Variants in CRHBP observed in about 807,000 individuals in gnomAD.
CRHBP encodes corticotropin-releasing hormone-binding protein.
Under a neutral mutation model 34.9 loss-of-function variants are expected in CRHBP, and 19 were observed. The ratio of observed to expected loss-of-function variants is 0.55; its 90% CI spans 0.38 to 0.80. The LOEUF is 0.80. Among genes scored for constraint, CRHBP ranks in the 30% least tolerant of loss-of-function variants. The probability of loss-of-function intolerance (pLI) is 0.00; values close to 1 mark genes in which losing one functional copy is unlikely to be tolerated. For missense variants in CRHBP, 328 were observed against 409.2 expected (o/e 0.80, Z 1.71); for synonymous variants, 154 against 153.4 (o/e 1.00, Z -0.03).
At chr5:76,953,905 G>C (rs1745619655) in intron 2 of CRHBP, 124 bp from the exon 3 acceptor site, 1 of 1,295,744 alleles carries the variant, frequency 7.7e-7, no homozygotes, top group Admixed American at 2.7e-5. Context: ...CGCAGCCTAG[G>C]CTGGAAGTCG....
At chr5:76,953,457 T>C (rs1295944597) in intron 1 of CRHBP, 144 bp from the exon 2 acceptor site, 1 of 987,068 alleles carries the variant, frequency 1.0e-6, no homozygotes, top group Non-Finnish European at 1.6e-6. Flanking sequence ...GTCTAAGACC[T>C]TCCCGTCTTC....
intron 4 of CRHBP, among the ~76,000 whole-genome samples, chr5:76,956,608 G>A (rs371228286): frequency 6.6e-5 from 10 of 152,036 alleles, no homozygotes; most frequent in African/African-American, 2.2e-4. Context: ...GGTGGTGGGC[G>A]CCTGTAGTCC....
rs11443583 is a variant in CRHBP, at chr5:76,964,155, G to GA, written c.811+696dup. ...GATGGATGGGACTTCATGACCTCAT[G>GA]ACCAGATAACTCAATGAAGTCTCGG... On this transcript the variant is annotated intron_variant, in intron 6 of 6. Transcript: ENST00000274368. 9.1e-3 allele frequency among the ~76,000 whole-genome samples: 1,379 copies of GA among 152,208 alleles called. 19 individuals are homozygous for GA. Among genetic ancestry groups the GA allele is most frequent in the African/African-American group, 0.032 (1,318 of 41,518 alleles).
chr5:76,960,966 A>G (rs1332692565), intron 5 of CRHBP, among the ~76,000 whole-genome samples: 1 of 151,890 alleles, frequency 6.6e-6, no homozygotes, highest in East Asian at 1.9e-4. Context: ...ACAGGGTTTC[A>G]CCATATTGGC....
intron 3 of CRHBP, among the ~76,000 whole-genome samples, chr5:76,979,223 G>A (rs981899308): frequency 1.3e-5 from 2 of 151,984 alleles, no homozygotes; most frequent in Non-Finnish European, 2.9e-5. Context: ...CCAGGCTGGA[G>A]TGTAGTGTGC....
chr5:76,963,214 G>A, intron 5 of CRHBP, 129 bp from the exon 6 acceptor site: 1 of 669,806 alleles, frequency 1.5e-6, no homozygotes, highest in South Asian at 2.1e-5. Flanking sequence ...AGTCCCAGAT[G>A]TTAAATTAAA....
chr5:76,964,370 A>G (rs1249329324), intron 6 of CRHBP, among the ~76,000 whole-genome samples: 1 of 152,226 alleles, frequency 6.6e-6, no homozygotes, highest in Non-Finnish European at 1.5e-5. Context: ...CAGCTAGGCA[A>G]TGAAGCTGCA....
chr5:76,964,941 A>G (rs770470384), intron 6 of CRHBP, among the ~76,000 whole-genome samples: 11 of 151,992 alleles, frequency 7.2e-5, no homozygotes, highest in Non-Finnish European at 1.5e-4. Context: ...GCTTGAGCCC[A>G]GCAGTTTGAG....
chr5:76,955,246 T>C (rs2071127804), intron 3 of CRHBP, among the ~76,000 whole-genome samples: 1 of 152,204 alleles, frequency 6.6e-6, no homozygotes, highest in African/African-American at 2.4e-5. Context: ...TTTCAAGATA[T>C]TTTGTTCACA....
rs1219576603 is a variant in CRHBP, at chr5:76,953,202, G to C, written c.68G>C (p.Ser23Thr). The change falls in exon 1 of 7, where the codon AGC (serine) becomes ACC (threonine). Residue 23 changes from serine (S) to threonine (T), a missense_variant. Physicochemically the swap from Ser to Thr is moderately conservative, Grantham distance 58. This residue lies in a region of CRHBP where 173 missense variants were observed against 172.2 expected (regional missense o/e 1.00). Transcript: ENST00000274368. ...LIFLTALRGE[S>T]RYLELREAAD... ...TTCCTGACGGCTCTAAGAGGGGAAA[G>C]CCGGTACCTAGAGGTGAGCCACCCC... 10 of 1,613,996 alleles carry C rather than the reference G, an allele frequency of 6.2e-6. No individual in the cohort carries two copies. The highest frequency in any genetic ancestry group is 8.5e-6 in the Non-Finnish European group (10 of 1,179,962).
chr5:76,953,068 G>C lies in CRHBP; in HGVS notation c.-67G>C, dbSNP rs567053350. ...CCAGCTTCTAGCTCTCAGTCTGCGC[G>C]AGGGTGTAGGAAGGAAAGCCCAGGA... On this transcript the variant is annotated 5_prime_UTR_variant, in exon 1 of 7. Transcript: ENST00000274368. 4.3e-5 allele frequency: 65 copies of C among 1,514,962 alleles called. No individual in the cohort carries two copies. In the African/African-American group the frequency reaches 8.2e-4, roughly 19 times the overall value. 93.8% of individuals were successfully genotyped at this position (1,514,962 alleles called of 1,614,324 possible). A position where few individuals can be genotyped will look rare whatever the true frequency, so the allele number is the denominator to read the frequency against.
intron 2 of CRHBP, 60 bp downstream of exon 2, chr5:76,953,754 CG>C (rs1351572958): frequency 3.3e-6 from 5 of 1,500,238 alleles, no homozygotes; most frequent in Non-Finnish European, 3.6e-6. Flanking sequence ...GGACTCTGTG[CG>C]GGGGGCAGAG....
chr5:76,971,636 A>G (rs1745945410), downstream of CRHBP, among the ~76,000 whole-genome samples: 1 of 152,180 alleles, frequency 6.6e-6, no homozygotes, highest in African/African-American at 2.4e-5. Flanking sequence ...GATTTATCTA[A>G]TTCACACACA....
rs1285605339 is a variant in CRHBP, at chr5:76,954,200, G to C, written c.333+14G>C. ...GACTTCCTGAAGGTGAGGCGCCCACGGCCAGCCAACCTAGCCGGAGGGCGG... is the reference window on the plus strand; with the variant it reads ...GACTTCCTGAAGGTGAGGCGCCCACCGCCAGCCAACCTAGCCGGAGGGCGG... On this transcript the variant is annotated intron_variant, in intron 3 of 6. Coordinates refer to ENST00000274368, the MANE Select transcript of CRHBP (RefSeq NM_001882.4). The C allele has an allele frequency of 6.2e-7, 1 of 1,610,008 alleles. No individual in the cohort carries two copies. The highest frequency in any genetic ancestry group is 8.5e-7 in the Non-Finnish European group (1 of 1,177,834).
At chr5:76,980,951 C>T (rs1055561640) in intron 3 of CRHBP, 5 of 151,882 alleles carry the variant, frequency 3.3e-5, no homozygotes, top group African/African-American at 1.2e-4. Context: ...TTTTTTCTTT[C>T]TCTGCACAGT....
intron 3 of CRHBP, among the ~76,000 whole-genome samples, chr5:76,979,275 G>A (rs1035290036): frequency 6.6e-6 from 1 of 151,988 alleles, no homozygotes. Flanking sequence ...AGGCTCAGGT[G>A]GTCCTGCCAC....
chr5:76,974,269 A>G (rs1180400065), downstream of CRHBP, among the ~76,000 whole-genome samples: 1 of 152,014 alleles, frequency 6.6e-6, no homozygotes, highest in East Asian at 1.9e-4. Context: ...CACCCGCCTC[A>G]GCCTCCCAAA....
intron 4 of CRHBP, among the ~76,000 whole-genome samples, chr5:76,957,916 T>C (rs1745711755): frequency 6.6e-6 from 1 of 152,080 alleles, no homozygotes; most frequent in African/African-American, 2.4e-5. Flanking sequence ...TCCTACACTT[T>C]GGGAGGCTGA....
rs754776976 is a variant in CRHBP at position 76,953,604 on chromosome 5, A to C, written c.85A>C (p.Arg29=). The change falls in exon 2 of 7, where the codon AGG becomes CGG. Residue 29 remains arginine (R), a synonymous_variant. Transcript: ENST00000274368. Reference sequence around the variant, plus strand: ...ACTGACCTATGTTTCTTGCCAGCTGAGGGAAGCGGCGGACTACGATCCTTT... The same window carrying C: ...ACTGACCTATGTTTCTTGCCAGCTGCGGGAAGCGGCGGACTACGATCCTTT... ...LRGESRYLEL[R]EAADYDPFLL... is the part of the protein sequence containing the mutation. 18 of 1,612,636 alleles carry C rather than the reference A, an allele frequency of 1.1e-5. No homozygotes were observed. The highest frequency in any genetic ancestry group is 1.4e-5 in the Non-Finnish European group (16 of 1,179,556).
Sources: gnomAD v4.1 joint callset for allele counts (sites outside exome capture counted in the v4.1 genomes callset) on GRCh38, gnomAD v4.1.1 for gene constraint, gnomAD v4.1.1 regional missense constraint, MANE v1.5 for transcripts, NCBI Gene and HGNC (gene_info 2026-07-23, HGNC 2026-07-21) for gene names.